Variants in CLSTN2 observed in about 807,000 individuals in gnomAD.
The protein encoded by CLSTN2 is calsyntenin-2.
In CLSTN2, 48 loss-of-function variants were observed where a neutral mutation model predicts 101.2. That is an observed-to-expected ratio of 0.47 (90% CI 0.38 to 0.60). The LOEUF (loss-of-function observed/expected upper bound fraction) is 0.60. Among genes scored for constraint, CLSTN2 ranks in the 20% least tolerant of loss-of-function variants. CLSTN2 has a pLI of 0.00. For synonymous variants in CLSTN2, 481 were observed against 463.6 expected (o/e 1.04, Z -0.48); for missense variants, 1,160 against 1,238.2 (o/e 0.94, Z 0.95).
intron 4 of CLSTN2, among the ~76,000 whole-genome samples, chr3:140,415,859 T>C (rs1397969619): frequency 6.6e-6 from 1 of 152,120 alleles, no homozygotes; most frequent in Non-Finnish European, 1.5e-5. Flanking sequence ...TATGTATCCA[T>C]AGGGGGAAAA....
At position 140,566,167 on chromosome 3, in the gene CLSTN2, G is replaced by A. The variant is rs1448022362; in HGVS notation, c.2782G>A (p.Glu928Lys). The part of the protein sequence containing the change: ...GSDDSEEEEE[E>K]EGMGRGRHGQ... ...TGACGACAGCGAAGAGGAGGAGGAGGAGGAAGGGATGGGCAGAGGCAGACA... is the reference window on the plus strand; with the variant it reads ...TGACGACAGCGAAGAGGAGGAGGAGAAGGAAGGGATGGGCAGAGGCAGACA... Residue 928 changes from glutamate to lysine, a missense_variant, in exon 17 of 17, where the codon GAG (glutamate) becomes AAG (lysine). Glu to Lys is a moderately conservative substitution (Grantham distance 56). Transcript: ENST00000458420. 1 of 1,612,778 alleles carries A rather than the reference G, an allele frequency of 6.2e-7. No individual in the cohort carries two copies. The highest frequency in any genetic ancestry group is 1.3e-5 in the African/African-American group (1 of 74,934).
intron 2 of CLSTN2, among the ~76,000 whole-genome samples, chr3:140,292,335 T>G (rs374880018): frequency 6.6e-6 from 1 of 152,220 alleles, no homozygotes; most frequent in Non-Finnish European, 1.5e-5. Context: ...AAATATCTCC[T>G]CCTCAATTAG....
At position 140,556,638 on chromosome 3, in the gene CLSTN2, C is replaced by A. The variant is rs372271121; in HGVS notation, c.1800C>A (p.Arg600=). 27 of 1,613,878 alleles carry A rather than the reference C, an allele frequency of 1.7e-5. No homozygotes were observed. The highest frequency in any genetic ancestry group is 1.3e-4 in the East Asian group (6 of 44,856). The change falls in exon 11 of 17, where the codon CGC becomes CGA. Residue 600 remains arginine (R), a synonymous_variant. Coordinates refer to ENST00000458420, the MANE Select transcript of CLSTN2 (RefSeq NM_022131.3). The part of the protein sequence containing the change: ...SRQFPTAGVR[R]LKVSSKVQCF... ...AGTTCCCAACGGCGGGTGTGCGGCG[C>A]CTCAAAGTATCCTCCAAAGTCCAGT...
At chr3:140,294,765 A>G (rs2086987811) in intron 2 of CLSTN2, among the ~76,000 whole-genome samples, 1 of 152,188 alleles carries the variant, frequency 6.6e-6, no homozygotes, top group African/African-American at 2.4e-5. Flanking sequence ...ATTATACACA[A>G]CAGAAATTCA....
chr3:140,257,317 G>A (rs2086612278), intron 2 of CLSTN2, among the ~76,000 whole-genome samples: 1 of 152,158 alleles, frequency 6.6e-6, no homozygotes, highest in African/African-American at 2.4e-5. Context: ...GGAAAATCAT[G>A]ACACTGTGGA....
intron 1 of CLSTN2, among the ~76,000 whole-genome samples, chr3:140,012,421 T>C (rs994026007): frequency 6.6e-5 from 10 of 152,188 alleles, no homozygotes; most frequent in Non-Finnish European, 1.5e-4. Flanking sequence ...TTGGTGGCGA[T>C]GCCGTCAAGG....
intron 2 of CLSTN2, among the ~76,000 whole-genome samples, chr3:140,186,764 A>G (rs191290016): frequency 5.3e-5 from 8 of 152,312 alleles, no homozygotes; most frequent in Admixed American, 3.9e-4. Context: ...GGCCACAGTA[A>G]GTGACATCAT....
chr3:140,203,411 A>G (rs941100815), intron 2 of CLSTN2, among the ~76,000 whole-genome samples: 1 of 151,716 alleles, frequency 6.6e-6, no homozygotes, highest in Admixed American at 6.6e-5. Context: ...AGGATAACAA[A>G]GAAATAGGAT....
At chr3:140,260,199 GTATTT>G (rs2086639711) in intron 2 of CLSTN2, among the ~76,000 whole-genome samples, 1 of 149,640 alleles carries the variant, frequency 6.7e-6, no homozygotes, top group South Asian at 2.1e-4. Context: ...TAAAATAAAT[GTATTT>G]TATTTCTTTT....
intron 9 of CLSTN2, among the ~76,000 whole-genome samples, chr3:140,536,425 T>C (rs1011127557): frequency 6.6e-6 from 1 of 152,186 alleles, no homozygotes; most frequent in East Asian, 1.9e-4. Flanking sequence ...TAGCATGATC[T>C]AGTTTCTGTG....
At chr3:140,138,982 A>G (rs1469878230) in intron 1 of CLSTN2, among the ~76,000 whole-genome samples, 1 of 152,250 alleles carries the variant, frequency 6.6e-6, no homozygotes. Context: ...TTCGTAATTT[A>G]CTATCAATGT....
At chr3:140,425,405 C>T (rs2088555880) in intron 5 of CLSTN2, among the ~76,000 whole-genome samples, 1 of 152,248 alleles carries the variant, frequency 6.6e-6, no homozygotes, top group Non-Finnish European at 1.5e-5. Context: ...CTGAATGCTG[C>T]TGGCCTTACC....
At chr3:140,463,179 A>T (rs925356552) in intron 7 of CLSTN2, among the ~76,000 whole-genome samples, 4 of 152,202 alleles carry the variant, frequency 2.6e-5, no homozygotes, top group Non-Finnish European at 5.9e-5. Context: ...GCCTTGTCGC[A>T]GTAATCAATC....
intron 1 of CLSTN2, among the ~76,000 whole-genome samples, chr3:140,024,310 C>T (rs1442130261): frequency 6.6e-6 from 1 of 152,196 alleles, no homozygotes; most frequent in Admixed American, 6.5e-5. Flanking sequence ...CATGGGTGCC[C>T]ACCTTCTGCC....
chr3:140,546,768 G>A (rs1935596071), intron 10 of CLSTN2, 87 bp downstream of exon 10: 9 of 1,256,600 alleles, frequency 7.2e-6, no homozygotes, highest in South Asian at 3.2e-5. Context: ...AGGAAATGGA[G>A]CTTCCTGGAA....
chr3:140,179,647 A>AC (rs1559799767), intron 2 of CLSTN2, among the ~76,000 whole-genome samples: 2 of 148,790 alleles, frequency 1.3e-5, no homozygotes, highest in Non-Finnish European at 3.0e-5. Context: ...AAAAAAAAAA[A>AC]AAAAACCTTG....
At chr3:140,563,865 A>T (rs1475587377) in intron 15 of CLSTN2, 96 bp from the exon 16 acceptor site, 2 of 1,283,108 alleles carry the variant, frequency 1.6e-6, no homozygotes, top group Non-Finnish European at 2.2e-6. Flanking sequence ...GGTAGGGCAG[A>T]CTTTATCCTA....
chr3:140,468,927 G>A (rs1933771622), intron 8 of CLSTN2, among the ~76,000 whole-genome samples: 1 of 152,156 alleles, frequency 6.6e-6, no homozygotes, highest in African/African-American at 2.4e-5. Context: ...AGGCTGAGTG[G>A]CTTAAATAAT....
At chr3:140,538,201 G>A (rs1028978735) in intron 9 of CLSTN2, among the ~76,000 whole-genome samples, 6 of 152,096 alleles carry the variant, frequency 3.9e-5, no homozygotes, top group African/African-American at 1.4e-4. Context: ...TCTGTCAGGG[G>A]ACTCTCCTCC....
Sources: allele counts gnomAD v4.1 joint callset (sites outside exome capture counted in the v4.1 genomes callset), GRCh38; gene constraint gnomAD v4.1.1; transcripts MANE v1.5; gene names NCBI Gene and HGNC (gene_info 2026-07-23, HGNC 2026-07-21).